Variants in LCA5 observed in about 807,000 individuals in gnomAD.
The protein encoded by LCA5 is lebercilin LCA5, also known as lebercilin.
LCA5 carries 37 observed loss-of-function variants against 53.0 expected under a neutral mutation model. That is an observed-to-expected ratio of 0.70 (90% CI 0.54 to 0.92). The LOEUF (loss-of-function observed/expected upper bound fraction) is 0.92. Ranked by LOEUF, LCA5 falls within the 40% of genes least tolerant of loss-of-function variation. LCA5 has a pLI of 0.00. For synonymous variants in LCA5, 303 were observed against 282.9 expected (o/e 1.07, Z -0.71); for missense variants, 806 against 790.5 (o/e 1.02, Z -0.23).
intron 2 of LCA5, among the ~76,000 whole-genome samples, chr6:79,516,737 T>G (rs918703734): frequency 6.6e-6 from 1 of 151,906 alleles, no homozygotes; most frequent in African/African-American, 2.4e-5. Context: ...ATTCTTCATC[T>G]CTCCTTCTTA....
chr6:79,501,733 A>G (rs942976799), intron 3 of LCA5, among the ~76,000 whole-genome samples: 1 of 147,890 alleles, frequency 6.8e-6, no homozygotes, highest in Non-Finnish European at 1.5e-5. Flanking sequence ...ATATACATCT[A>G]TAACTATAAC....
chr6:79,490,863 A>G (rs571056827), intron 6 of LCA5, among the ~76,000 whole-genome samples: 2 of 152,180 alleles, frequency 1.3e-5, no homozygotes, highest in African/African-American at 4.8e-5. Context: ...TGTAAACACT[A>G]AAGATAAAAC....
intron 3 of LCA5, among the ~76,000 whole-genome samples, chr6:79,505,438 A>C (rs1770249602): frequency 6.6e-6 from 1 of 152,208 alleles, no homozygotes; most frequent in South Asian, 2.1e-4. Flanking sequence ...AGATATAATA[A>C]GGACTTAATT....
chr6:79,530,014 GT>G (rs1394324033), intron 1 of LCA5, among the ~76,000 whole-genome samples: 1 of 151,324 alleles, frequency 6.6e-6, no homozygotes, highest in Non-Finnish European at 1.5e-5. Flanking sequence ...TAAATGACGA[GT>G]TAATGGGTGC....
chr6:79,488,756 AT>A (rs1448946754), intron 7 of LCA5: 1 of 423,514 alleles, frequency 2.4e-6, no homozygotes, highest in Non-Finnish European at 4.1e-6. Flanking sequence ...AAAATTAAAA[AT>A]TTTAAAATAT....
chr6:79,507,794 G>T (rs1266221650), intron 3 of LCA5, among the ~76,000 whole-genome samples: 1 of 152,068 alleles, frequency 6.6e-6, no homozygotes, highest in Non-Finnish European at 1.5e-5. Context: ...AGGTTGTTAG[G>T]GGGTGGAGGT....
At chr6:79,517,832 A>G (rs770766947) in intron 2 of LCA5, among the ~76,000 whole-genome samples, 3 of 152,174 alleles carry the variant, frequency 2.0e-5, no homozygotes, top group Non-Finnish European at 4.4e-5. Flanking sequence ...ACAAAAACAG[A>G]GTCAATACAT....
At chr6:79,523,091 T>C (rs1766674023) in intron 1 of LCA5, among the ~76,000 whole-genome samples, 1 of 152,318 alleles carries the variant, frequency 6.6e-6, no homozygotes, top group African/African-American at 2.4e-5. Flanking sequence ...ATTATTCTAA[T>C]ATTTCCAATT....
At position 79,491,043 on chromosome 6, in the gene LCA5, G is replaced by A. The variant is rs535747931; in HGVS notation, c.1098+545C>T. Among the ~76,000 whole-genome samples the A allele has an allele frequency of 6.0e-5, 8 of 132,378 alleles. 1 individual carries two copies. In the South Asian group the frequency reaches 1.6e-3, roughly 26 times the overall value. The allele number at this position is 132,378 out of a possible 152,430, so 86.8% of individuals were successfully genotyped here. A position where few individuals can be genotyped will look rare whatever the true frequency, so the allele number is the denominator to read the frequency against. On this transcript the variant is annotated intron_variant, in intron 6 of 7. Transcript: ENST00000369846. ...TTAACATGTAAAATTCTCCTATATAGAGGACCAAAAAAAAAAAATTAAACC... is the reference window on the plus strand; with the variant it reads ...TTAACATGTAAAATTCTCCTATATAAAGGACCAAAAAAAAAAAATTAAACC...
rs143403983 is a variant in LCA5, at chr6:79,503,814, G to A, written c.720+9398C>T. 4.6e-3 allele frequency among the ~76,000 whole-genome samples: 706 copies of A among 152,312 alleles called. 13 individuals carry two copies. The highest frequency in any genetic ancestry group is 5.2e-3 in the African/African-American group (215 of 41,584). Reference sequence around the variant, plus strand: ...TGTGTGTGTGCGCGCGTGCGCGTGCGTATAAAGTTCCACTCAGAACTTAAT... The same window carrying A: ...TGTGTGTGTGCGCGCGTGCGCGTGCATATAAAGTTCCACTCAGAACTTAAT... On this transcript the variant is annotated intron_variant, in intron 3 of 7. Transcript: ENST00000369846.
At chr6:79,522,460 C>G (rs915885362) in intron 1 of LCA5, among the ~76,000 whole-genome samples, 3 of 151,702 alleles carry the variant, frequency 2.0e-5, no homozygotes, top group Non-Finnish European at 4.4e-5. Context: ...GGAGAGAGAT[C>G]GAGGTACAAA....
In LCA5 at chr6:79,495,780, C is replaced by T. The variant is rs117250802; in HGVS notation, c.721-2030G>A. Among the ~76,000 whole-genome samples, 272 of 151,562 alleles carry T rather than the reference C, an allele frequency of 1.8e-3. 7 individuals are homozygous for T. In the East Asian group the frequency reaches 0.044, roughly 24 times the overall value. On this transcript the variant is annotated intron_variant, in intron 3 of 7. Coordinates refer to ENST00000369846, the MANE Select transcript of LCA5 (RefSeq NM_001122769.3). ...AAAAAAAAAAAAAAAGTCGGTCCTCCGCATCCAAAGGTTTCACACACTGCA... is the reference window on the plus strand; with the variant it reads ...AAAAAAAAAAAAAAAGTCGGTCCTCTGCATCCAAAGGTTTCACACACTGCA...
At chr6:79,528,953 G>A (rs151073236) in intron 1 of LCA5, among the ~76,000 whole-genome samples, 4 of 152,252 alleles carry the variant, frequency 2.6e-5, no homozygotes, top group African/African-American at 9.6e-5. Context: ...ACAACTCTAG[G>A]CAACAAACTG....
chr6:79,513,193 G>T lies in LCA5; in HGVS notation c.720+19C>A, dbSNP rs1432802302. On this transcript the variant is annotated intron_variant, in intron 3 of 7. Transcript: ENST00000369846. ...GAAACATCCCAAGAAAGTACAATTA[G>T]AAGCTGTAGAAATTGTACCTTAATT... The T allele has an allele frequency of 6.2e-7, 1 of 1,602,148 alleles. No individual in the cohort carries two copies. Among genetic ancestry groups the T allele is most frequent in the African/African-American group, 1.3e-5 (1 of 74,706 alleles).
chr6:79,527,979 T>C (rs906462333), intron 1 of LCA5, among the ~76,000 whole-genome samples: 4 of 152,144 alleles, frequency 2.6e-5, no homozygotes, highest in African/African-American at 4.8e-5. Context: ...ACCTTAGAAA[T>C]TGAGACAGGG....
In LCA5 at chr6:79,486,976, A is replaced by T. The variant is rs1769675375; in HGVS notation, c.*28T>A. ...TGTATTAAAATATTTCAATATTTAC[A>T]ATTAGAAAAAATGTATACTCTAGTC... is the stretch of plus-strand genomic sequence containing the variant. On this transcript the variant is annotated 3_prime_UTR_variant, in exon 8 of 8. Coordinates refer to ENST00000369846, the MANE Select transcript of LCA5 (RefSeq NM_001122769.3). 3 of 1,562,736 alleles carry T rather than the reference A, an allele frequency of 1.9e-6. No individual in the cohort carries two copies. Among genetic ancestry groups the T allele is most frequent in the Middle Eastern group, 3.6e-4 (2 of 5,584 alleles).
rs1769690491 is a variant in LCA5, at chr6:79,487,261, C to T, written c.1837G>A (p.Gly613Ser). The part of the protein sequence containing the change: ...NLMEQLFGAS[G>S]SSTISSKSSD... ...CTTTTGGAGGAAATGGTGCTGCTAC[C>T]ACTGGCACCAAATAACTGTTCCATC... is the stretch of plus-strand genomic sequence containing the variant. The change falls in exon 8 of 8, where the codon GGT becomes AGT. Residue 613 changes from glycine to serine, a missense_variant. Physicochemically the swap from Gly to Ser is moderately conservative, Grantham distance 56. Coordinates refer to ENST00000369846, the MANE Select transcript of LCA5 (RefSeq NM_001122769.3). 1.2e-6 allele frequency: 2 copies of T among 1,614,016 alleles called. No individual in the cohort carries two copies. The highest frequency in any genetic ancestry group is 1.3e-5 in the African/African-American group (1 of 75,026).
At chr6:79,491,947 A>G (rs1309505146) in intron 5 of LCA5, among the ~76,000 whole-genome samples, 1 of 151,928 alleles carries the variant, frequency 6.6e-6, no homozygotes, top group African/African-American at 2.4e-5. Flanking sequence ...AATACTCACT[A>G]TTACTATTTT....
intron 2 of LCA5, among the ~76,000 whole-genome samples, chr6:79,517,734 A>G (rs953290995): frequency 1.1e-4 from 16 of 152,324 alleles, no homozygotes; most frequent in Non-Finnish European, 1.8e-4. Flanking sequence ...GTTTTTAATA[A>G]GCGAATATTA....
Sources: allele counts gnomAD v4.1 joint callset (sites outside exome capture counted in the v4.1 genomes callset), GRCh38; gene constraint gnomAD v4.1.1; transcripts MANE v1.5; gene names NCBI Gene and HGNC (gene_info 2026-07-23, HGNC 2026-07-21).